The following OR51D1 variants were observed in gnomAD, a reference collection of about 807,000 sequenced individuals.
OR51D1 encodes olfactory receptor family 51 subfamily D member 1.
For missense variants in OR51D1, 452 were observed against 396.2 expected (o/e 1.14, Z -1.20); for synonymous variants, 187 against 161.1 (o/e 1.16, Z -1.22).
In OR51D1 at chr11:4,642,474, C is replaced by T. The variant is rs554877056; in HGVS notation, c.*1709C>T. The T allele has an allele frequency of 6.9e-6, 1 of 145,740 alleles. No individual in the cohort carries two copies. The highest frequency in any genetic ancestry group is 2.2e-4 in the South Asian group (1 of 4,600). The allele number at this position is 145,740 out of a possible 1,614,324, so 9.0% of individuals were successfully genotyped here. ...TTGGGAGGCTGAGGCAGGAGAAACG[C>T]TTGAGCCCGCAAGGTGGAGGTTGCA... On this transcript the variant is annotated 3_prime_UTR_variant, in exon 2 of 2. Coordinates refer to ENST00000641817, the MANE Select transcript of OR51D1 (RefSeq NM_001004751.3).
At chr11:4,639,151 G>A (rs1846931595) in intron 1 of OR51D1, among the ~76,000 whole-genome samples, 2 of 152,156 alleles carry the variant, frequency 1.3e-5, no homozygotes, top group Admixed American at 6.5e-5. Context: ...GATTTTCTGG[G>A]CCTGGAGCAG....
In OR51D1 at chr11:4,640,062, T is replaced by C. The variant is rs1393644874; in HGVS notation, c.272T>C (p.Met91Thr). 1 of 1,614,224 alleles carries C rather than the reference T, an allele frequency of 6.2e-7. No individual in the cohort carries two copies. ...GACCTAGTCCTCTCCTCTATCACCA[T>C]GCCCAAGATGGCCAGTCTTTTCCTG... Reference protein sequence around the residue: ...TIDLVLSSITMPKMASLFLMG... With the variant: ...TIDLVLSSITTPKMASLFLMG... Residue 91 changes from methionine (M) to threonine (T), a missense_variant, in exon 2 of 2, where the codon ATG becomes ACG. Coordinates refer to ENST00000641817, the MANE Select transcript of OR51D1 (RefSeq NM_001004751.3).
chr11:4,640,824 T>C lies in OR51D1; in HGVS notation c.*59T>C. On this transcript the variant is annotated 3_prime_UTR_variant, in exon 2 of 2. Transcript: ENST00000641817. ...AGAAGATGGGAATATTAGGATCCTA[T>C]TGAATGCCTTGGTGATTAAAGTATC... 3 of 1,469,328 alleles carry C rather than the reference T, an allele frequency of 2.0e-6. No homozygotes were observed. Among genetic ancestry groups the C allele is most frequent in the East Asian group, 4.5e-5 (2 of 43,960 alleles). The allele number at this position is 1,469,328 out of a possible 1,614,324, so 91.0% of individuals were successfully genotyped here.
In OR51D1 at chr11:4,640,426, A is replaced by G; in HGVS notation, c.636A>G (p.Gly212=). 1.2e-6 allele frequency: 2 copies of G among 1,613,822 alleles called. No homozygotes were observed. Among genetic ancestry groups the G allele is most frequent in the Non-Finnish European group, 1.7e-6 (2 of 1,179,972 alleles). ...CTDTRVNVVY[G]LFIILSVMGV... Reference sequence around the variant, plus strand: ...ACACCAGGGTCAATGTGGTTTATGGACTCTTCATCATCCTCTCAGTCATGG... The same window carrying G: ...ACACCAGGGTCAATGTGGTTTATGGGCTCTTCATCATCCTCTCAGTCATGG... The change falls in exon 2 of 2, where the codon GGA becomes GGG. Residue 212 remains glycine, a synonymous_variant. Coordinates refer to ENST00000641817, the MANE Select transcript of OR51D1 (RefSeq NM_001004751.3).
At chr11:4,639,028 C>A (rs4910520) in intron 1 of OR51D1, among the ~76,000 whole-genome samples, 6 of 151,846 alleles carry the variant, frequency 4.0e-5, no homozygotes, top group African/African-American at 1.5e-4. Context: ...CCTGACCTTG[C>A]GATCTGCCCA....
At position 4,640,860 on chromosome 11, in the gene OR51D1, T is replaced by C. The variant is rs995336487; in HGVS notation, c.*95T>C. On this transcript the variant is annotated 3_prime_UTR_variant, in exon 2 of 2. Coordinates refer to ENST00000641817, the MANE Select transcript of OR51D1 (RefSeq NM_001004751.3). The stretch of plus-strand genomic sequence containing the variant: ...GGTGATTAAAGTATCAAACCTATTG[T>C]GCTGTCTTCTTCCAGCAATTTAAGT... The C allele has an allele frequency of 1.7e-6, 2 of 1,161,372 alleles. No individual in the cohort carries two copies. Among genetic ancestry groups the C allele is most frequent in the East Asian group, 2.4e-5 (1 of 42,434 alleles). The allele number at this position is 1,161,372 out of a possible 1,614,324, so 71.9% of individuals were successfully genotyped here.
chr11:4,639,431 G>A (rs1846934128), intron 1 of OR51D1, among the ~76,000 whole-genome samples: 1 of 152,310 alleles, frequency 6.6e-6, no homozygotes, highest in African/African-American at 2.4e-5. Flanking sequence ...CTACTCTGAT[G>A]GGAAAAGGCT....
At chr11:4,639,610 G>C (rs544117542) in intron 1 of OR51D1, 167 bp from the exon 2 acceptor site, 2 of 657,518 alleles carry the variant, frequency 3.0e-6, no homozygotes, top group Non-Finnish European at 5.2e-6. Context: ...CCAGGAAGTT[G>C]TATATAAGGA....
chr11:4,639,543 T>A (rs1022136856), intron 1 of OR51D1, among the ~76,000 whole-genome samples: 2 of 152,188 alleles, frequency 1.3e-5, no homozygotes, highest in African/African-American at 4.8e-5. Context: ...GGGACAGTAA[T>A]AGAATCTGCT....
Position 4,640,458 on chromosome 11 carries a change from A to C in OR51D1, c.668A>C (p.Asp223Ala). Residue 223 changes from aspartate (D) to alanine (A), a missense_variant, in exon 2 of 2, where the codon GAC becomes GCC. Transcript: ENST00000641817. Reference sequence around the variant, plus strand: ...ATCATCCTCTCAGTCATGGGTGTGGACTCTCTCTTCATTGGCTTCTCATAT... The same window carrying C: ...ATCATCCTCTCAGTCATGGGTGTGGCCTCTCTCTTCATTGGCTTCTCATAT... ...LFIILSVMGV[D>A]SLFIGFSYIL... 1 of 1,612,446 alleles carries C rather than the reference A, an allele frequency of 6.2e-7. No homozygotes were observed. The highest frequency in any genetic ancestry group is 8.5e-7 in the Non-Finnish European group (1 of 1,179,536).
In OR51D1 at chr11:4,641,221, A is replaced by G. The variant is rs1337604492; in HGVS notation, c.*456A>G. ...GGTATTTGGGGAATAGTAACTGGAG[A>G]GACAGCAACAAGACAAGAGGCAGCT... On this transcript the variant is annotated 3_prime_UTR_variant, in exon 2 of 2. Coordinates refer to ENST00000641817, the MANE Select transcript of OR51D1 (RefSeq NM_001004751.3). 6.2e-6 allele frequency: 1 copy of G among 162,298 alleles called. No individual in the cohort carries two copies. Among genetic ancestry groups the G allele is most frequent in the Non-Finnish European group, 1.4e-5 (1 of 73,738 alleles). The allele number at this position is 162,298 out of a possible 1,614,324, so 10.1% of individuals were successfully genotyped here.
At chr11:4,639,589 G>C in intron 1 of OR51D1, 188 bp from the exon 2 acceptor site, 1 of 607,114 alleles carries the variant, frequency 1.6e-6, no homozygotes, top group Non-Finnish European at 2.9e-6. Context: ...TCAGGGTAAG[G>C]CTCAAGATGT....
chr11:4,641,971 T>C lies in OR51D1; in HGVS notation c.*1206T>C, dbSNP rs1846973512. On this transcript the variant is annotated 3_prime_UTR_variant, in exon 2 of 2. Coordinates refer to ENST00000641817, the MANE Select transcript of OR51D1 (RefSeq NM_001004751.3). ...ACACGAATGGGGACAGCATCTGTAT[T>C]TCTGAGCATGGATTGATGTGTGGTG... The C allele has an allele frequency of 6.6e-6, 1 of 152,608 alleles. No individual in the cohort carries two copies. The highest frequency in any genetic ancestry group is 2.4e-5 in the African/African-American group (1 of 41,416). The allele number at this position is 152,608 out of a possible 1,614,324, so 9.5% of individuals were successfully genotyped here. A position where few individuals can be genotyped will look rare whatever the true frequency, so the allele number is the denominator to read the frequency against.
rs547404334 is a variant in OR51D1 at position 4,642,235 on chromosome 11, T to G, written c.*1470T>G. ...AACACAAGGATTTCAAGGGCTTTTGTTACCTCTTCCTACGTTTCCTGCCTC... is the reference window on the plus strand; with the variant it reads ...AACACAAGGATTTCAAGGGCTTTTGGTACCTCTTCCTACGTTTCCTGCCTC... On this transcript the variant is annotated 3_prime_UTR_variant, in exon 2 of 2. Coordinates refer to ENST00000641817, the MANE Select transcript of OR51D1 (RefSeq NM_001004751.3). 1 of 152,346 alleles carries G rather than the reference T, an allele frequency of 6.6e-6. No individual in the cohort carries two copies. Among genetic ancestry groups the G allele is most frequent in the African/African-American group, 2.4e-5 (1 of 41,540 alleles). 9.4% of individuals were successfully genotyped at this position (152,346 alleles called of 1,614,324 possible). A position where few individuals can be genotyped will look rare whatever the true frequency, so the allele number is the denominator to read the frequency against.
intron 1 of OR51D1, 116 bp from the exon 2 acceptor site, chr11:4,639,661 A>ATGATAAGTCATCC (rs2133218830): frequency 1.1e-6 from 1 of 915,928 alleles, no homozygotes; most frequent in East Asian, 2.4e-5. Flanking sequence ...AATTACCAGG[A>ATGATAAGTCATCC]TGACTTAGTC....
chr11:4,640,393 C>T lies in OR51D1; in HGVS notation c.603C>T (p.Ser201=). ...FCLHQDIMKL[S]CTDTRVNVVY... is the part of the protein sequence containing the mutation. ...TGCACCAAGATATTATGAAGCTGTC[C>T]TGTACTGACACCAGGGTCAATGTGG... Residue 201 remains serine, a synonymous_variant, in exon 2 of 2, where the codon TCC becomes TCT. Transcript: ENST00000641817. The T allele has an allele frequency of 6.2e-7, 1 of 1,614,222 alleles. No homozygotes were observed. Among genetic ancestry groups the T allele is most frequent in the Non-Finnish European group, 8.5e-7 (1 of 1,180,046 alleles).
rs565728365 is a variant in OR51D1, at chr11:4,641,304, C to A, written c.*539C>A. On this transcript the variant is annotated 3_prime_UTR_variant, in exon 2 of 2. Coordinates refer to ENST00000641817, the MANE Select transcript of OR51D1 (RefSeq NM_001004751.3). The stretch of plus-strand genomic sequence containing the variant: ...GGGTGTGTTGGCAGATTTGTGAAAT[C>A]TGCCCATTTGCATCTGTATGGCTCT... The A allele has an allele frequency of 1.3e-5, 2 of 157,972 alleles. No homozygotes were observed. Among genetic ancestry groups the A allele is most frequent in the African/African-American group, 4.8e-5 (2 of 41,594 alleles). 9.8% of individuals were successfully genotyped at this position (157,972 alleles called of 1,614,324 possible). A position where few individuals can be genotyped will look rare whatever the true frequency, so the allele number is the denominator to read the frequency against.
Position 4,640,032 on chromosome 11 carries a change from C to A in OR51D1, c.242C>A (p.Thr81Asn), listed in dbSNP as rs1846943501. The change falls in exon 2 of 2, where the codon ACT becomes AAT. Residue 81 changes from threonine (T) to asparagine (N), a missense_variant. Physicochemically the swap from Thr to Asn is moderately conservative, Grantham distance 65. Transcript: ENST00000641817. Reference sequence around the variant, plus strand: ...TACCTCTTCCTGGCCATGCTTTCCACTATTGACCTAGTCCTCTCCTCTATC... The same window carrying A: ...TACCTCTTCCTGGCCATGCTTTCCAATATTGACCTAGTCCTCTCCTCTATC... Reference protein sequence around the residue: ...PMYLFLAMLSTIDLVLSSITM... With the variant: ...PMYLFLAMLSNIDLVLSSITM... 5 of 1,614,218 alleles carry A rather than the reference C, an allele frequency of 3.1e-6. No homozygotes were observed. The highest frequency in any genetic ancestry group is 4.2e-6 in the Non-Finnish European group (5 of 1,180,040).
rs1368422032 is a variant in OR51D1 at position 4,642,171 on chromosome 11, C to T, written c.*1406C>T. Reference sequence around the variant, plus strand: ...AAAGGAAACACGGTGCTTCCTTGCTCCACCTTTTCACAGGCCAGACCACAC... The same window carrying T: ...AAAGGAAACACGGTGCTTCCTTGCTTCACCTTTTCACAGGCCAGACCACAC... On this transcript the variant is annotated 3_prime_UTR_variant, in exon 2 of 2. Transcript: ENST00000641817. 3 of 152,134 alleles carry T rather than the reference C, an allele frequency of 2.0e-5. No individual in the cohort carries two copies. The highest frequency in any genetic ancestry group is 3.8e-4 in the East Asian group (2 of 5,196). 9.4% of individuals were successfully genotyped at this position (152,134 alleles called of 1,614,324 possible).
Sources: gnomAD v4.1 joint callset for allele counts (sites outside exome capture counted in the v4.1 genomes callset) on GRCh38, gnomAD v4.1.1 for gene constraint, MANE v1.5 for transcripts, NCBI Gene and HGNC (gene_info 2026-07-23, HGNC 2026-07-21) for gene names.